RPL7A: variants seen among roughly 807,000 people sequenced by gnomAD.
RPL7A encodes the protein large ribosomal subunit protein eL8.
For missense variants in RPL7A, 291 were observed against 338.2 expected (o/e 0.86, Z 1.09); for synonymous variants, 158 against 128.2 (o/e 1.23, Z -1.57).
chr9:133,351,244 C>A lies in RPL7A; in HGVS notation c.697-18C>A. ...GAAAACAGTAAGCCAAGCTAACTGC[C>A]TCTTTTTGTCTTTTCAGATCCGCCG... is the stretch of plus-strand genomic sequence containing the variant. On this transcript the variant is annotated intron_variant, in intron 7 of 7. Transcript: ENST00000323345. 1.2e-6 allele frequency: 2 copies of A among 1,609,464 alleles called. No individual in the cohort carries two copies. Among genetic ancestry groups the A allele is most frequent in the Non-Finnish European group, 1.7e-6 (2 of 1,175,848 alleles).
At chr9:133,351,153 T>G in intron 7 of RPL7A, 82 bp downstream of exon 7, 1 of 1,550,514 alleles carries the variant, frequency 6.4e-7, no homozygotes. Context: ...TATGAGAAGT[T>G]CTATCTGACG....
chr9:133,351,068 T>C lies in RPL7A; in HGVS notation c.693T>C (p.Asp231=), dbSNP rs930470950. 2 of 1,613,888 alleles carry C rather than the reference T, an allele frequency of 1.2e-6. No individual in the cohort carries two copies. The highest frequency in any genetic ancestry group is 8.5e-7 in the Non-Finnish European group (1 of 1,179,910). Residue 231 remains aspartate (D), a synonymous_variant, in exon 7 of 8, where the codon GAT becomes GAC. Transcript: ENST00000323345. The part of the protein sequence containing the change: ...AIRTNYNDRY[D]EIRRHWGGNV... ...GGACCAATTACAATGACAGATACGA[T>C]GAGGTAAGAGGCAGCTTTACACCAA...
chr9:133,350,932 A>C, intron 6 of RPL7A, 70 bp from the exon 7 acceptor site: 1 of 1,554,736 alleles, frequency 6.4e-7, no homozygotes, highest in Non-Finnish European at 8.9e-7. Context: ...TTGAGCTAAA[A>C]GGTATTTTTG....
At chr9:133,348,405 C>A in intron 1 of RPL7A, 159 bp downstream of exon 1, 1 of 1,031,904 alleles carries the variant, frequency 9.7e-7, no homozygotes, top group Non-Finnish European at 1.5e-6. Context: ...TAGAGCCCCA[C>A]TTGGTGTGGC....
chr9:133,350,472 C>T (rs1423202210), intron 5 of RPL7A, 125 bp from the exon 6 acceptor site: 1 of 1,538,950 alleles, frequency 6.5e-7, no homozygotes, highest in Non-Finnish European at 9.0e-7. Context: ...TGATGTGAAT[C>T]TCTCACTGAA....
Position 133,349,999 on chromosome 9 carries a change from A to C in RPL7A, c.362A>C (p.Lys121Thr), listed in dbSNP as rs2129990590. Residue 121 changes from lysine to threonine, a missense_variant, in exon 4 of 8, where the codon AAG (lysine) becomes ACG (threonine). Transcript: ENST00000323345. ...KQRLLARAEK[K>T]AAGKGDVPTK... ...AGACTGTTGGCCCGGGCCGAGAAGAAGGCTGCTGGCAAAGGGGACGTCCCA... is the reference window on the plus strand; with the variant it reads ...AGACTGTTGGCCCGGGCCGAGAAGACGGCTGCTGGCAAAGGGGACGTCCCA... 8.1e-6 allele frequency: 13 copies of C among 1,612,874 alleles called. No homozygotes were observed. The highest frequency in any genetic ancestry group is 2.2e-5 in the East Asian group (1 of 44,882).
In RPL7A at chr9:133,350,713, C is replaced by T. The variant is rs2129995577; in HGVS notation, c.612C>T (p.Phe204=). 6.8e-6 allele frequency: 11 copies of T among 1,614,032 alleles called. 1 individual carries two copies. In the South Asian group the frequency reaches 1.1e-4, roughly 16 times the overall value. The change falls in exon 6 of 8, where the codon TTC becomes TTT. Residue 204 remains phenylalanine, a synonymous_variant. Transcript: ENST00000323345. ...GGAAGACCTGCACCACTGTCGCCTT[C>T]ACACAGGTGAACTCGTAAGTACACA... ...VHRKTCTTVA[F]TQVNSEDKGA...
intron 1 of RPL7A, chr9:133,348,514 A>T (rs1836279526): frequency 2.1e-5 from 13 of 604,870 alleles, no homozygotes; most frequent in Middle Eastern, 4.4e-4. Flanking sequence ...GGAGCACCGC[A>T]GTGCGGGGCT....
At position 133,349,713 on chromosome 9, in the gene RPL7A, G is replaced by A; in HGVS notation, c.274+13G>A. 7 of 1,612,786 alleles carry A rather than the reference G, an allele frequency of 4.3e-6. No homozygotes were observed. Among genetic ancestry groups the A allele is most frequent in the Non-Finnish European group, 5.9e-6 (7 of 1,179,222 alleles). ...GACCGCCAAACAGGTGAGGTTCTGT[G>A]GCGTGGAAAGGAGTTTCTCAGGCAA... On this transcript the variant is annotated intron_variant, in intron 3 of 7. Coordinates refer to ENST00000323345, the MANE Select transcript of RPL7A (RefSeq NM_000972.3).
chr9:133,350,549 T>C (rs2129994572), intron 5 of RPL7A, 48 bp from the exon 6 acceptor site: 87 of 1,614,028 alleles, frequency 5.4e-5, no homozygotes, highest in Non-Finnish European at 7.0e-5. Flanking sequence ...TAACTGAAAT[T>C]TGCTGCTTTT....
At chr9:133,351,179 C>A in intron 7 of RPL7A, 83 bp from the exon 8 acceptor site, 1 of 1,541,204 alleles carries the variant, frequency 6.5e-7, no homozygotes, top group Non-Finnish European at 8.9e-7. Flanking sequence ...CTTGGAACAG[C>A]CAAACAGAAT....
chr9:133,349,472 C>CAACA (rs1836320173), intron 2 of RPL7A, 79 bp from the exon 3 acceptor site: 1 of 1,570,682 alleles, frequency 6.4e-7, no homozygotes, highest in Non-Finnish European at 8.8e-7. Context: ...GCTGATGCAC[C>CAACA]AACACCCTTC....
At chr9:133,349,375 C>T (rs192201656) in intron 2 of RPL7A, 176 bp from the exon 3 acceptor site, 57 of 938,934 alleles carry the variant, frequency 6.1e-5, no homozygotes, top group Admixed American at 3.0e-4. Flanking sequence ...GCATCGTGCT[C>T]TTTGTTCTCA....
rs201090210 is a variant in RPL7A at position 133,351,102 on chromosome 9, C to T, written c.696+31C>T. ...AGGCAGCTTTACACCAAAATACTGTCATTCACAAATCTTTCTCCCAAATAA... is the reference window on the plus strand; with the variant it reads ...AGGCAGCTTTACACCAAAATACTGTTATTCACAAATCTTTCTCCCAAATAA... On this transcript the variant is annotated intron_variant, in intron 7 of 7. Coordinates refer to ENST00000323345, the MANE Select transcript of RPL7A (RefSeq NM_000972.3). The T allele has an allele frequency of 1.0e-4, 168 of 1,603,804 alleles. No homozygotes were observed. In the African/African-American group the frequency reaches 2.0e-3, roughly 19 times the overall value.
Position 133,349,584 on chromosome 9 carries a change from G to T in RPL7A, c.158G>T (p.Arg53Leu). 5.0e-6 allele frequency: 8 copies of T among 1,614,010 alleles called. No homozygotes were observed. Among genetic ancestry groups the T allele is most frequent in the Non-Finnish European group, 6.8e-6 (8 of 1,179,980 alleles). Residue 53 changes from arginine (R) to leucine (L), a missense_variant, in exon 3 of 8, where the codon CGC becomes CTC. Transcript: ENST00000323345. ...ATCCAGCCCAAAAGAGACCTCACCC[G>T]CTTTGTGAAATGGCCCCGCTATATC... ...QDIQPKRDLT[R>L]FVKWPRYIRL...
intron 2 of RPL7A, 137 bp downstream of exon 2, chr9:133,349,179 G>A (rs1193837557): frequency 1.9e-6 from 2 of 1,045,564 alleles, no homozygotes; most frequent in Non-Finnish European, 2.9e-6. Context: ...TAGAGACGGG[G>A]GCAATGATAC....
At chr9:133,348,384 C>T (rs2129978239) in intron 1 of RPL7A, 138 bp downstream of exon 1, 1 of 1,241,452 alleles carries the variant, frequency 8.1e-7, no homozygotes, top group Non-Finnish European at 1.2e-6. Context: ...CACGGAGACA[C>T]CGAGGTGGAT....
Position 133,350,745 on chromosome 9 carries a change from C to G in RPL7A, c.626+18C>G. 6.2e-7 allele frequency: 1 copy of G among 1,610,156 alleles called. No individual in the cohort carries two copies. Among genetic ancestry groups the G allele is most frequent in the Non-Finnish European group, 8.5e-7 (1 of 1,176,552 alleles). On this transcript the variant is annotated intron_variant, in intron 6 of 7. Transcript: ENST00000323345. Reference sequence around the variant, plus strand: ...GTGAACTCGTAAGTACACAGCCTGGCCCCAAACTTCCCCCCAGTTCATTTA... The same window carrying G: ...GTGAACTCGTAAGTACACAGCCTGGGCCCAAACTTCCCCCCAGTTCATTTA...
intron 4 of RPL7A, 41 bp from the exon 5 acceptor site, chr9:133,350,199 G>A (rs2129992045): frequency 6.2e-7 from 1 of 1,612,198 alleles, no homozygotes; most frequent in South Asian, 1.1e-5. Flanking sequence ...TGTGACTAGA[G>A]CAGGCCCTGT....
Sources: allele counts gnomAD v4.1 joint callset, GRCh38; gene constraint gnomAD v4.1.1; transcripts MANE v1.5; gene names NCBI Gene and HGNC (gene_info 2026-07-23, HGNC 2026-07-21).